Variants in INPPL1 observed in about 807,000 individuals in gnomAD.
INPPL1 encodes inositol polyphosphate phosphatase like 1.
A neutral mutation model predicts 139.3 loss-of-function variants in INPPL1; 91 were observed. The observed-to-expected ratio is 0.65, with a 90% confidence interval of 0.55 to 0.78. The LOEUF (loss-of-function observed/expected upper bound fraction) is 0.78. Ranked by LOEUF, INPPL1 falls within the 30% of genes least tolerant of loss-of-function variation. The probability of loss-of-function intolerance (pLI) is 0.00; values close to 1 mark genes in which losing one functional copy is unlikely to be tolerated. For missense variants in INPPL1, 1,411 were observed against 1,665.6 expected (o/e 0.85, Z 2.66); for synonymous variants, 719 against 686.6 (o/e 1.05, Z -0.74).
In INPPL1 at chr11:72,237,724, G is replaced by T. The variant is rs751974130; in HGVS notation, c.3480G>T (p.Ser1160=). 3 of 1,611,660 alleles carry T rather than the reference G, an allele frequency of 1.9e-6. No homozygotes were observed. Among genetic ancestry groups the T allele is most frequent in the Middle Eastern group, 3.3e-4 (2 of 6,068 alleles). ...LELQPPRGLP[S]DYGRPLSFPP... ...TGCAGCCCCCCCGGGGACTGCCCTC[G>T]GACTATGGCCGGCCCCTCAGCTTCC... is the stretch of plus-strand genomic sequence containing the variant. The change falls in exon 26 of 28, where the codon TCG becomes TCT. Residue 1160 remains serine (S), a synonymous_variant. Coordinates refer to ENST00000298229, the MANE Select transcript of INPPL1 (RefSeq NM_001567.4).
Position 72,238,306 on chromosome 11 carries a change from C to G in INPPL1, c.3730C>G (p.Pro1244Ala), listed in dbSNP as rs753650763. The change falls in exon 28 of 28, where the codon CCG becomes GCG. Residue 1244 changes from proline (P) to alanine (A), a missense_variant. Transcript: ENST00000298229. Reference sequence around the variant, plus strand: ...CTTGGAGGAGGCTGGGGTGCAGGACCCGGCTCACAAGCGCCTCCTTCTGGA... The same window carrying G: ...CTTGGAGGAGGCTGGGGTGCAGGACGCGGCTCACAAGCGCCTCCTTCTGGA... Reference protein sequence around the residue: ...EDLEEAGVQDPAHKRLLLDTL... With the variant: ...EDLEEAGVQDAAHKRLLLDTL... 1.3e-6 allele frequency: 2 copies of G among 1,598,584 alleles called. No homozygotes were observed. Among genetic ancestry groups the G allele is most frequent in the East Asian group, 4.5e-5 (2 of 44,506 alleles).
At chr11:72,224,182 A>T (rs932445767), upstream of INPPL1, among the ~76,000 whole-genome samples, 29 of 152,076 alleles carry the variant, frequency 1.9e-4, no homozygotes, top group African/African-American at 6.5e-4. Flanking sequence ...GCCCCCCGCC[A>T]GAGTAAGAAT....
Position 72,230,433 on chromosome 11 carries a change from A to T in INPPL1, c.1162A>T (p.Thr388Ser). The change falls in exon 10 of 28, where the codon ACT (threonine) becomes TCT (serine). Residue 388 changes from threonine to serine, a missense_variant. By Grantham distance (58) the Thr-to-Ser change is moderately conservative (BLOSUM62 1). Transcript: ENST00000298229. ...GVVFEKEKDR[T>S]QRKDFIFVSA... ...TGTGTTTGAGAAGGAGAAGGACCGG[A>T]CTCAGCGCAAGGACTTCATCTTTGT... 1 of 1,614,010 alleles carries T rather than the reference A, an allele frequency of 6.2e-7. No homozygotes were observed. The highest frequency in any genetic ancestry group is 1.1e-5 in the South Asian group (1 of 91,064).
At chr11:72,229,029 G>T in intron 4 of INPPL1, 61 bp from the exon 5 acceptor site, 1 of 1,555,342 alleles carries the variant, frequency 6.4e-7, no homozygotes. Flanking sequence ...TCTAGGGATG[G>T]GGCAGAGGTG....
rs929070901 is a variant in INPPL1 at position 72,237,619 on chromosome 11, G to C, written c.3375G>C (p.Gln1125His). The C allele has an allele frequency of 6.2e-7, 1 of 1,605,850 alleles. No individual in the cohort carries two copies. The highest frequency in any genetic ancestry group is 8.5e-7 in the Non-Finnish European group (1 of 1,174,810). The change falls in exon 26 of 28, where the codon CAG becomes CAC. Residue 1125 changes from glutamine to histidine, a missense_variant. This residue lies in a region of INPPL1 where 438 missense variants were observed against 425.7 expected (regional missense o/e 1.03). Transcript: ENST00000298229. The stretch of plus-strand genomic sequence containing the variant: ...ATGACCGGTCCTGCTCGGTGCTGCA[G>C]ATGGCCAAGACGCTGAGCGAGGTGG... ...SGDDRSCSVLQMAKTLSEVDY... is the reference protein window; with the variant it reads ...SGDDRSCSVLHMAKTLSEVDY...
At chr11:72,226,155 A>G (rs1039669941) in intron 1 of INPPL1, among the ~76,000 whole-genome samples, 1 of 148,946 alleles carries the variant, frequency 6.7e-6, no homozygotes, top group Non-Finnish European at 1.5e-5. Context: ...CGGGGCGCAC[A>G]TTAGCCTAGA....
rs1420082156 is a variant in INPPL1 at position 72,231,555 on chromosome 11, G to A, written c.1555G>A (p.Glu519Lys). 6 of 1,614,000 alleles carry A rather than the reference G, an allele frequency of 3.7e-6. No homozygotes were observed. The highest frequency in any genetic ancestry group is 5.1e-6 in the Non-Finnish European group (6 of 1,180,030). Residue 519 changes from glutamate (E) to lysine (K), a missense_variant, in exon 13 of 28, where the codon GAG becomes AAG. Coordinates refer to ENST00000298229, the MANE Select transcript of INPPL1 (RefSeq NM_001567.4). ...GGCAGTGCTGGTCAAGCCAGAGCAC[G>A]AGAACCGTATCAGCCATGTCAGTAC... Reference protein sequence around the residue: ...KVAVLVKPEHENRISHVSTSS... With the variant: ...KVAVLVKPEHKNRISHVSTSS...
rs1948744610 is a variant in INPPL1, at chr11:72,228,698, A to G, written c.398-29A>G. 6.2e-6 allele frequency: 10 copies of G among 1,603,094 alleles called. No individual in the cohort carries two copies. Among genetic ancestry groups the G allele is most frequent in the Non-Finnish European group, 7.7e-6 (9 of 1,174,244 alleles). ...TACTCCACTGAGTGTGGGAGGCCCA[A>G]ACGGCTGCCCACTGACCCCTGCCCA... On this transcript the variant is annotated intron_variant, in intron 3 of 27. Coordinates refer to ENST00000298229, the MANE Select transcript of INPPL1 (RefSeq NM_001567.4). This position sits in a 1 kb window ranked among gnomAD's most constrained non-coding sequence, Gnocchi z 5.0.
At position 72,235,697 on chromosome 11, in the gene INPPL1, T is replaced by C. The variant is rs1041186915; in HGVS notation, c.2682T>C (p.Asp894=). ...CAGAGTGGATCAGCATTGATAAGGA[T>C]GAGGCAGGAGCAAAGAGCAAAGCCC... ...RLYEWISIDK[D]EAGAKSKAPS... Residue 894 remains aspartate (D), a synonymous_variant, in exon 24 of 28, where the codon GAT becomes GAC. Transcript: ENST00000298229. This position sits in a 1 kb window ranked among gnomAD's most constrained non-coding sequence, Gnocchi z 4.9. 2 of 1,613,848 alleles carry C rather than the reference T, an allele frequency of 1.2e-6. No homozygotes were observed. Among genetic ancestry groups the C allele is most frequent in the African/African-American group, 1.3e-5 (1 of 74,922 alleles).
intron 1 of INPPL1, among the ~76,000 whole-genome samples, chr11:72,227,051 A>G (rs1020837454): frequency 1.3e-5 from 2 of 152,102 alleles, no homozygotes; most frequent in Non-Finnish European, 2.9e-5. Context: ...CGTGGGCAAT[A>G]TCTTAGATTT....
chr11:72,227,967 G>T, intron 1 of INPPL1: 1 of 499,518 alleles, frequency 2.0e-6, no homozygotes, highest in Non-Finnish European at 3.6e-6. Context: ...TGTAGGTCTG[G>T]TGGGGAGACG....
chr11:72,228,326 T>A lies in INPPL1; in HGVS notation c.247-22T>A. 2 of 1,613,928 alleles carry A rather than the reference T, an allele frequency of 1.2e-6. No homozygotes were observed. The highest frequency in any genetic ancestry group is 1.7e-6 in the Non-Finnish European group (2 of 1,179,928). Reference sequence around the variant, plus strand: ...TGGGGACCTGCTGGCTGACCCTTCCTCCCACCCTTGCTGGCCCACAGACCT... The same window carrying A: ...TGGGGACCTGCTGGCTGACCCTTCCACCCACCCTTGCTGGCCCACAGACCT... On this transcript the variant is annotated intron_variant, in intron 2 of 27. Coordinates refer to ENST00000298229, the MANE Select transcript of INPPL1 (RefSeq NM_001567.4). This position sits in a 1 kb window ranked among gnomAD's most constrained non-coding sequence, Gnocchi z 5.0.
At position 72,233,119 on chromosome 11, in the gene INPPL1, G is replaced by C. The variant is rs779174423; in HGVS notation, c.1996G>C (p.Gly666Arg). 6.2e-7 allele frequency: 1 copy of C among 1,614,076 alleles called. No homozygotes were observed. The highest frequency in any genetic ancestry group is 8.5e-7 in the Non-Finnish European group (1 of 1,180,010). ...CCCACCCACCTACCGCTATGAGCGG[G>C]GTTCCCGGGACACATATGCCTGGCA... is the stretch of plus-strand genomic sequence containing the variant. ...SFPPTYRYERGSRDTYAWHKQ... is the reference protein window; with the variant it reads ...SFPPTYRYERRSRDTYAWHKQ... The change falls in exon 17 of 28, where the codon GGT (glycine) becomes CGT (arginine). Residue 666 changes from glycine (G) to arginine (R), a missense_variant. Around this residue, in one of 5 missense-constraint regions of INPPL1, gnomAD observed 363 missense variants for 446.2 expected, o/e 0.81. Transcript: ENST00000298229.
upstream of INPPL1, chr11:72,224,690 GAGCGGA>G (rs1329741269): frequency 6.7e-6 from 1 of 149,010 alleles, no homozygotes; most frequent in Admixed American, 6.6e-5. Context: ...GCTGCGGGCC[GAGCGGA>G]GGGGGAGGGG....
chr11:72,237,644 G>T lies in INPPL1; in HGVS notation c.3400G>T (p.Asp1134Tyr). 2 of 1,611,034 alleles carry T rather than the reference G, an allele frequency of 1.2e-6. No homozygotes were observed. The highest frequency in any genetic ancestry group is 1.7e-6 in the Non-Finnish European group (2 of 1,178,726). The change falls in exon 26 of 28, where the codon GAC becomes TAC. Residue 1134 changes from aspartate (D) to tyrosine (Y), a missense_variant. By Grantham distance (160) the Asp-to-Tyr change is radical. Transcript: ENST00000298229. Reference protein sequence around the residue: ...LQMAKTLSEVDYAPAGPARSA... With the variant: ...LQMAKTLSEVYYAPAGPARSA... ...GATGGCCAAGACGCTGAGCGAGGTG[G>T]ACTATGCCCCTGCTGGGCCTGCACG...
rs778999359 is a variant in INPPL1 at position 72,235,425 on chromosome 11, G to C, written c.2633G>C (p.Arg878Pro). Residue 878 changes from arginine (R) to proline (P), a missense_variant, in exon 23 of 28, where the codon CGC becomes CCC. This residue lies in a region of INPPL1 where 99 missense variants were observed against 171.6 expected (regional missense o/e 0.58). Transcript: ENST00000298229. This position sits in a 1 kb window ranked among gnomAD's most constrained non-coding sequence, Gnocchi z 4.9. The stretch of plus-strand genomic sequence containing the variant: ...ATGAAGGTGCGGGTGCCCACGGAGC[G>C]CCTGGGCACCCGTGAGCGGCTCTAC... ...GSMKVRVPTERLGTRERLYEW... is the reference protein window; with the variant it reads ...GSMKVRVPTEPLGTRERLYEW... 6.2e-7 allele frequency: 1 copy of C among 1,613,252 alleles called. No homozygotes were observed. The highest frequency in any genetic ancestry group is 1.1e-5 in the South Asian group (1 of 91,070).
At position 72,238,446 on chromosome 11, in the gene INPPL1, G is replaced by C; in HGVS notation, c.*93G>C. On this transcript the variant is annotated 3_prime_UTR_variant, in exon 28 of 28. Coordinates refer to ENST00000298229, the MANE Select transcript of INPPL1 (RefSeq NM_001567.4). The stretch of plus-strand genomic sequence containing the variant: ...AGGGTTGAAAAGTTATGAGGGTCAG[G>C]GCAGTATCTCTCTGCCTATTTATTG... 9.6e-7 allele frequency: 1 copy of C among 1,042,688 alleles called. No individual in the cohort carries two copies. Among genetic ancestry groups the C allele is most frequent in the Admixed American group, 3.2e-5 (1 of 31,210 alleles). 64.6% of individuals were successfully genotyped at this position (1,042,688 alleles called of 1,614,324 possible). A position where few individuals can be genotyped will look rare whatever the true frequency, so the allele number is the denominator to read the frequency against.
chr11:72,231,465 C>A, intron 12 of INPPL1, 33 bp from the exon 13 acceptor site: 1 of 1,488,338 alleles, frequency 6.7e-7, no homozygotes, highest in Non-Finnish European at 9.4e-7. Flanking sequence ...GTGGGTGCAG[C>A]AGGGCAGTGG....
chr11:72,225,376 T>C (rs1463701793), intron 1 of INPPL1: 2 of 985,284 alleles, frequency 2.0e-6, no homozygotes, highest in Non-Finnish European at 2.4e-6. Flanking sequence ...TTCAGGAGCC[T>C]TGAGGGTAGA....
Sources: allele counts gnomAD v4.1 joint callset (sites outside exome capture counted in the v4.1 genomes callset), GRCh38; gene constraint gnomAD v4.1.1; regional missense constraint gnomAD v4.1.1; non-coding constraint Gnocchi (gnomAD v3.1); transcripts MANE v1.5; gene names NCBI Gene and HGNC (gene_info 2026-07-23, HGNC 2026-07-21).